The following RNASE11 variants were observed in gnomAD, a reference collection of about 807,000 sequenced individuals.
The protein encoded by RNASE11 is ribonuclease A family member 11 (inactive).
For missense variants in RNASE11, 252 were observed against 237.8 expected, an observed-to-expected ratio of 1.06 and a Z score of -0.39; for synonymous variants, 105 against 86.1, an observed-to-expected ratio of 1.22 and a Z score of -1.21.
chr14:20,584,009 T>C, exon 2 of RNASE11: 1 of 1,614,194 alleles, frequency 6.2e-7, no homozygotes, highest in South Asian at 1.1e-5. Flanking sequence ...TGGCACACTG[T>C]ATTTTCCAGT....
chr14:20,586,491 A>C (rs1884436344), intron 1 of RNASE11, among the ~76,000 whole-genome samples: 2 of 152,228 alleles, frequency 1.3e-5, no homozygotes. Flanking sequence ...ACTAGAGGAA[A>C]AACCTAGCAC....
exon 2 of RNASE11, chr14:20,584,487 G>A (rs778749378): frequency 1.9e-6 from 3 of 1,562,114 alleles, no homozygotes; most frequent in Admixed American, 4.0e-5. Flanking sequence ...CAGATGTAGT[G>A]TAATCTCTTC....
At chr14:20,585,781 C>T (rs560645290) in intron 1 of RNASE11, among the ~76,000 whole-genome samples, 4 of 152,270 alleles carry the variant, frequency 2.6e-5, no homozygotes, top group Admixed American at 6.5e-5. Flanking sequence ...AATTTCTCAA[C>T]ACTATTTGTT....
chr14:20,584,263 A>C (rs750768520), exon 2 of RNASE11: 1 of 1,614,228 alleles, frequency 6.2e-7, no homozygotes, highest in Admixed American at 1.7e-5. Flanking sequence ...TGTGGAAGAC[A>C]TATCATCCTT....
chr14:20,586,850 C>T (rs939473359), intron 1 of RNASE11, among the ~76,000 whole-genome samples: 21 of 152,136 alleles, frequency 1.4e-4, no homozygotes, highest in African/African-American at 4.8e-4. Flanking sequence ...AAGAGGTGCC[C>T]TTTAAAAAAA....
At chr14:20,589,528 C>T (rs1884517492), upstream of RNASE11, among the ~76,000 whole-genome samples, 1 of 145,690 alleles carries the variant, frequency 6.9e-6, no homozygotes, top group Non-Finnish European at 1.5e-5. Flanking sequence ...GGTGGGATTA[C>T]AGGCGTGAGC....
upstream of RNASE11, among the ~76,000 whole-genome samples, chr14:20,588,636 G>C (rs1884487313): frequency 1.3e-5 from 2 of 152,256 alleles, no homozygotes; most frequent in South Asian, 4.1e-4. Flanking sequence ...AAGACCCTAA[G>C]AGGTGACCTC....
chr14:20,586,543 A>T (rs1451624140), intron 1 of RNASE11, among the ~76,000 whole-genome samples: 31 of 152,250 alleles, frequency 2.0e-4, no homozygotes, highest in Admixed American at 2.0e-3. Flanking sequence ...GATTATTGAT[A>T]GATTATTAAG....
chr14:20,584,069 T>C (rs751651864), exon 2 of RNASE11: 6 of 1,614,172 alleles, frequency 3.7e-6, no homozygotes, highest in Non-Finnish European at 3.4e-6. Context: ...AACTTGCAGC[T>C]GGGGGCCCTG....
upstream of RNASE11, among the ~76,000 whole-genome samples, chr14:20,589,874 C>T (rs966432050): frequency 1.2e-4 from 19 of 152,036 alleles, no homozygotes; most frequent in Non-Finnish European, 2.4e-4. Context: ...ATAACAAGAG[C>T]AAAACTCCGT....
intron 1 of RNASE11, chr14:20,584,895 G>T (rs997984836): frequency 1.1e-5 from 2 of 187,862 alleles, no homozygotes; most frequent in African/African-American, 4.8e-5. Context: ...CACCATTACT[G>T]TATCTCCTAT....
At chr14:20,584,307 G>A (rs368278395) in exon 2 of RNASE11, 13 of 1,613,956 alleles carry the variant, frequency 8.1e-6, no homozygotes, top group African/African-American at 2.7e-5. Flanking sequence ...TAACTAACAG[G>A]ATCGGGTTCA....
chr14:20,587,641 T>C lies in RNASE11; in HGVS notation c.-101A>G. On this transcript the variant is annotated 5_prime_UTR_variant, in exon 1 of 2. Transcript: ENST00000553849. ...ACCCAAAATTCTATGGAGACAACAA[T>C]GACAACAGAATTACCACAGAGAACT... 1.0e-6 allele frequency: 1 copy of C among 985,216 alleles called. No homozygotes were observed. The highest frequency in any genetic ancestry group is 1.1e-4 in the East Asian group (1 of 8,808). 61.0% of individuals were successfully genotyped at this position (985,216 alleles called of 1,614,324 possible). A position where few individuals can be genotyped will look rare whatever the true frequency, so the allele number is the denominator to read the frequency against.
Position 20,584,213 on chromosome 14 carries a change from C to T in RNASE11, c.262G>A (p.Gly88Arg), listed in dbSNP as rs113066442. 2.2e-5 allele frequency: 36 copies of T among 1,614,132 alleles called. 1 individual carries two copies. Among genetic ancestry groups the T allele is most frequent in the African/African-American group, 8.0e-5 (6 of 75,024 alleles). ...TCTTTGTCATTACCCGAACTGTTTC[C>T]CTTGGGGTCATTATAATGTAAACTT... The change falls in exon 2 of 2, where the codon GGA (glycine) becomes AGA (arginine). Residue 88 changes from glycine to arginine, a missense_variant. Physicochemically the swap from Gly to Arg is moderately radical, Grantham distance 125. Transcript: ENST00000553849.
intron 1 of RNASE11, 110 bp from the exon 3 acceptor site, chr14:20,584,606 T>G (rs1884394645): frequency 1.3e-6 from 1 of 794,008 alleles, no homozygotes; most frequent in Non-Finnish European, 1.9e-6. Flanking sequence ...GGTTAAAATT[T>G]TTATATCTGT....
chr14:20,584,562 T>G, intron 1 of RNASE11, 66 bp from the exon 3 acceptor site: 1 of 1,345,178 alleles, frequency 7.4e-7, no homozygotes, highest in Non-Finnish European at 9.9e-7. Flanking sequence ...TTCTTCCTCC[T>G]GACAGTTATT....
chr14:20,589,165 C>CGT (rs1555339932), upstream of RNASE11, among the ~76,000 whole-genome samples: 7 of 151,874 alleles, frequency 4.6e-5, no homozygotes, highest in East Asian at 1.4e-3. Context: ...CCCTGCACTA[C>CGT]GTTTCTCACA....
exon 1 of RNASE11, chr14:20,587,674 G>A (rs1440167850): frequency 1.0e-6 from 1 of 985,146 alleles, no homozygotes; most frequent in Non-Finnish European, 1.2e-6. Flanking sequence ...ACTAGAAAAT[G>A]AAACTCAGCT....
At chr14:20,584,479 G>A (rs1884390917) in exon 2 of RNASE11, 1 of 1,576,342 alleles carries the variant, frequency 6.3e-7, no homozygotes, top group Non-Finnish European at 8.6e-7. Context: ...CTCCATCTCA[G>A]ATGTAGTGTA....
Sources: gnomAD v4.1 joint callset for allele counts (sites outside exome capture counted in the v4.1 genomes callset) on GRCh38, gnomAD v4.1.1 for gene constraint, MANE v1.5 for transcripts, NCBI Gene and HGNC (gene_info 2026-07-23, HGNC 2026-07-21) for gene names.